The following GADL1 variants were observed in gnomAD, a reference collection of about 807,000 sequenced individuals.
GADL1 encodes the protein GAD like acidic amino acid decarboxylase 1.
Under a neutral mutation model 69.5 loss-of-function variants are expected in GADL1, and 71 were observed. That is an observed-to-expected ratio of 1.02 (90% CI 0.84 to 1.25). The LOEUF is 1.25. GADL1 is among the 50% of genes most tolerant of loss of function. GADL1 has a pLI of 0.00. For missense variants in GADL1, 737 were observed against 631.8 expected, an observed-to-expected ratio of 1.17 and a Z score of -1.79; for synonymous variants, 254 against 214.4, an observed-to-expected ratio of 1.18 and a Z score of -1.62.
At chr3:30,815,341 A>AACC (rs1559507517) in intron 11 of GADL1, among the ~76,000 whole-genome samples, 7 of 152,196 alleles carry the variant, frequency 4.6e-5, no homozygotes, top group African/African-American at 1.7e-4. Flanking sequence ...CTGGTCGGTT[A>AACC]GGAGGAGGGC....
At chr3:30,781,616 A>C (rs529051342) in intron 13 of GADL1, among the ~76,000 whole-genome samples, 19 of 152,208 alleles carry the variant, frequency 1.2e-4, no homozygotes, top group Non-Finnish European at 2.6e-4. Context: ...ATAGCAAAAA[A>C]GCCTAAGTTT....
chr3:30,872,174 T>C (rs959361751), intron 1 of GADL1, among the ~76,000 whole-genome samples: 3 of 151,952 alleles, frequency 2.0e-5, no homozygotes, highest in African/African-American at 7.2e-5. Flanking sequence ...TTGGGCTCCA[T>C]GAAAAAAATT....
intron 14 of GADL1, among the ~76,000 whole-genome samples, chr3:30,753,974 G>A (rs1258773611): frequency 6.6e-6 from 1 of 152,110 alleles, no homozygotes; most frequent in Admixed American, 6.6e-5. Context: ...TAAAAGCCAT[G>A]GCCACCTACG....
chr3:30,728,505 G>T, intron 14 of GADL1, 90 bp from the exon 15 acceptor site: 1 of 977,358 alleles, frequency 1.0e-6, no homozygotes, highest in Non-Finnish European at 1.6e-6. Flanking sequence ...CATTTACTGG[G>T]CATCCACTGG....
chr3:30,737,746 C>A (rs145803235), intron 14 of GADL1, among the ~76,000 whole-genome samples: 119 of 152,242 alleles, frequency 7.8e-4, no homozygotes, highest in Non-Finnish European at 1.5e-3. Flanking sequence ...ATTGGACATA[C>A]CTTTTTCAAA....
chr3:30,861,065 A>T (rs1298114728), intron 2 of GADL1, among the ~76,000 whole-genome samples: 1 of 152,028 alleles, frequency 6.6e-6, no homozygotes, highest in Non-Finnish European at 1.5e-5. Flanking sequence ...TGAAATCTAC[A>T]ACCAATAATT....
intron 14 of GADL1, among the ~76,000 whole-genome samples, chr3:30,753,298 C>A (rs940152299): frequency 1.3e-5 from 2 of 151,700 alleles, no homozygotes; most frequent in African/African-American, 2.4e-5. Flanking sequence ...GACATTTATT[C>A]CTTTGATTCA....
rs757478482 is a variant in GADL1, at chr3:30,801,073, A to AT, written c.1065dup (p.Cys356MetfsTer14). 2.0e-5 allele frequency: 33 copies of AT among 1,610,608 alleles called. No individual in the cohort carries two copies. The highest frequency in any genetic ancestry group is 2.7e-5 in the Non-Finnish European group (32 of 1,178,336). The stretch of plus-strand genomic sequence containing the variant: ...AGGTAAGATGCCTTGGCAGAGTAGC[A>AT]TTTTTTAAGAAGATCCTTCGAAAAA... On this transcript the variant is annotated frameshift_variant, in exon 12 of 15. Transcript: ENST00000282538. LOFTEE classifies it high-confidence loss of function.
At chr3:30,774,540 CAT>C (rs1278608845) in intron 14 of GADL1, among the ~76,000 whole-genome samples, 2 of 152,178 alleles carry the variant, frequency 1.3e-5, no homozygotes, top group African/African-American at 4.8e-5. Context: ...AGTCTGCATT[CAT>C]AGACTACATT....
rs773160764 is a variant in GADL1, at chr3:30,861,646, AG to A, written c.156del (p.Cys53ValfsTer3). The A allele has an allele frequency of 5.8e-6, 9 of 1,550,408 alleles. No homozygotes were observed. The South Asian group carries it at 9.5e-5, about 16-fold the overall frequency. ...ACCACCTCTTCCATTATTAGCCTAC[AG>A]GCCTCTTCAACAAATTTTTCTCCAG... ...AKAGEKFVEE[A>X]CRLIMEEVVL... is the part of the protein sequence containing the mutation. On this transcript the variant is annotated frameshift_variant, in exon 2 of 15. Coordinates refer to ENST00000282538, the MANE Select transcript of GADL1 (RefSeq NM_207359.3). LOFTEE classifies it high-confidence loss of function.
At chr3:30,837,270 T>C (rs1697889931) in intron 9 of GADL1, among the ~76,000 whole-genome samples, 1 of 152,246 alleles carries the variant, frequency 6.6e-6, no homozygotes, top group Admixed American at 6.5e-5. Context: ...CTATGGCATA[T>C]GAAGTTTCTT....
At chr3:30,863,026 T>TTC (rs150803491) in intron 1 of GADL1, among the ~76,000 whole-genome samples, 21,036 of 139,560 alleles carry the variant, frequency 0.15, 1,925 homozygotes, top group East Asian at 0.35. Context: ...CCATGTCTGT[T>TTC]TCACACACAC....
At chr3:30,884,727 T>C (rs748687489) in intron 1 of GADL1, among the ~76,000 whole-genome samples, 16 of 152,070 alleles carry the variant, frequency 1.1e-4, no homozygotes, top group Non-Finnish European at 2.1e-4. Flanking sequence ...ATATTTAAAC[T>C]AATCTTTATT....
At chr3:30,776,980 A>C (rs906008488) in intron 14 of GADL1, among the ~76,000 whole-genome samples, 1 of 152,180 alleles carries the variant, frequency 6.6e-6, no homozygotes, top group Admixed American at 6.5e-5. Context: ...CTAGTATCAC[A>C]CATTGGGGTA....
intron 11 of GADL1, among the ~76,000 whole-genome samples, chr3:30,827,230 A>G (rs1697695879): frequency 6.6e-6 from 1 of 151,222 alleles, no homozygotes; most frequent in African/African-American, 2.4e-5. Context: ...TAGTAGAGCG[A>G]TAGTGGTGAG....
At chr3:30,832,251 C>T (rs1697804495) in intron 11 of GADL1, among the ~76,000 whole-genome samples, 2 of 150,760 alleles carry the variant, frequency 1.3e-5, no homozygotes, top group Non-Finnish European at 3.0e-5. Context: ...GTTCTTTGCA[C>T]AGTGAATAGA....
intron 11 of GADL1, among the ~76,000 whole-genome samples, chr3:30,830,481 T>C (rs1457085580): frequency 9.9e-5 from 15 of 151,950 alleles, no homozygotes. Context: ...TCTTACATGT[T>C]CTTCCCTGTC....
rs1484920421 is a variant in GADL1, at chr3:30,748,671, C to A, written c.1393-20256G>T. Reference sequence around the variant, plus strand: ...TCAATAGCTTTTATCGTCAGAAAATCGGTACCAACAGCACCTATTTCACAG... The same window carrying A: ...TCAATAGCTTTTATCGTCAGAAAATAGGTACCAACAGCACCTATTTCACAG... On this transcript the variant is annotated intron_variant, in intron 14 of 14. Transcript: ENST00000282538. 3.3e-5 allele frequency among the ~76,000 whole-genome samples: 5 copies of A among 152,152 alleles called. No homozygotes were observed. The South Asian group carries it at 1.0e-3, about 32-fold the overall frequency.
At chr3:30,831,430 G>T (rs1381265050) in intron 11 of GADL1, among the ~76,000 whole-genome samples, 3 of 151,734 alleles carry the variant, frequency 2.0e-5, no homozygotes, top group Non-Finnish European at 4.4e-5. Context: ...ATTAGACAAG[G>T]GTGCATTTGG....
Sources: gnomAD v4.1 joint callset for allele counts (sites outside exome capture counted in the v4.1 genomes callset) on GRCh38, gnomAD v4.1.1 for gene constraint, MANE v1.5 for transcripts, NCBI Gene and HGNC (gene_info 2026-07-23, HGNC 2026-07-21) for gene names.